The following DCAF6 variants were observed in gnomAD, a reference collection of about 807,000 sequenced individuals.
DCAF6 encodes DDB1 and CUL4 associated factor 6.
DCAF6 carries 54 observed loss-of-function variants against 125.1 expected under a neutral mutation model. That is an observed-to-expected ratio of 0.43 (90% CI 0.35 to 0.54). The LOEUF is 0.54. Ranked by LOEUF, DCAF6 falls within the 20% of genes least tolerant of loss-of-function variation. DCAF6 has a pLI of 0.01. For missense variants in DCAF6, 934 were observed against 1,161.7 expected, an observed-to-expected ratio of 0.80 and a Z score of 2.85; for synonymous variants, 371 against 390.4, an observed-to-expected ratio of 0.95 and a Z score of 0.58.
intron 5 of DCAF6, among the ~76,000 whole-genome samples, chr1:167,989,964 C>T (rs890074655): frequency 1.3e-5 from 2 of 152,062 alleles, no homozygotes; most frequent in Admixed American, 6.6e-5. Flanking sequence ...GGTACTAGCT[C>T]TTACATTTTC....
Position 168,045,067 on chromosome 1 carries a change from A to AAT in DCAF6, c.2100_2101dup (p.Asn701IlefsTer41). On this transcript the variant is annotated frameshift_variant, in exon 16 of 22. Transcript: ENST00000367840. LOFTEE classifies it high-confidence loss of function. ...TAGCACTGAGAGTGCTACCAATGAA[A>AAT]ATAACACCAATCCTGAGCCTCAGTT... The AAT allele has an allele frequency of 6.2e-7, 1 of 1,614,072 alleles. No individual in the cohort carries two copies. Among genetic ancestry groups the AAT allele is most frequent in the African/African-American group, 1.3e-5 (1 of 75,058 alleles).
chr1:167,928,455 A>C, the DCAF6 span, among the ~76,000 whole-genome samples: 1 of 152,218 alleles, frequency 6.6e-6, no homozygotes, highest in African/African-American at 2.4e-5. Context: ...ATGTCAAATA[A>C]AGCTAGACAG....
intron 7 of DCAF6, 122 bp from the exon 8 acceptor site, chr1:168,002,360 A>C (rs1435774415): frequency 8.0e-6 from 6 of 751,636 alleles, no homozygotes. Context: ...ATTTTCATGT[A>C]GATCTAATTT....
the DCAF6 span, chr1:167,920,645 C>T: frequency 3.1e-6 from 5 of 1,600,612 alleles, no homozygotes; most frequent in Non-Finnish European, 4.3e-6. Context: ...CACATTAACG[C>T]ATAGAAAGAA....
intron 3 of DCAF6, among the ~76,000 whole-genome samples, chr1:167,970,188 G>A (rs536240585): frequency 3.3e-5 from 5 of 152,234 alleles, no homozygotes; most frequent in Admixed American, 2.6e-4. Flanking sequence ...AATCACTTGG[G>A]TACCAAAGGA....
chr1:167,921,570 T>A, the DCAF6 span, among the ~76,000 whole-genome samples: 12 of 152,270 alleles, frequency 7.9e-5, no homozygotes, highest in African/African-American at 2.6e-4. Context: ...CATGGCCATT[T>A]CTCTTCTGTG....
At chr1:167,901,106 C>G in the DCAF6 span, among the ~76,000 whole-genome samples, 1 of 152,104 alleles carries the variant, frequency 6.6e-6, no homozygotes, top group South Asian at 2.1e-4. Flanking sequence ...AATGTTTGCA[C>G]GTGCATAGTG....
intron 12 of DCAF6, among the ~76,000 whole-genome samples, chr1:168,036,517 A>G (rs896420827): frequency 9.2e-5 from 14 of 152,336 alleles, no homozygotes; most frequent in African/African-American, 2.2e-4. Flanking sequence ...TAATCATCCA[A>G]TCATCCAATC....
intron 21 of DCAF6, among the ~76,000 whole-genome samples, chr1:168,068,973 G>C (rs960810251): frequency 8.5e-5 from 13 of 152,132 alleles, no homozygotes; most frequent in East Asian, 3.8e-4. Context: ...TCTAGTATCT[G>C]TTATAAGCAG....
chr1:167,987,439 A>T, intron 4 of DCAF6, 56 bp from the exon 5 acceptor site: 1 of 857,312 alleles, frequency 1.2e-6, no homozygotes, highest in Non-Finnish European at 1.9e-6. Flanking sequence ...AATGTTTTTC[A>T]GAGCCGTCTG....
the DCAF6 span, among the ~76,000 whole-genome samples, chr1:167,907,200 T>C: frequency 2.0e-5 from 3 of 152,238 alleles, no homozygotes; most frequent in Non-Finnish European, 2.9e-5. Context: ...ATACCATAGA[T>C]GGGCACATTC....
At chr1:167,967,714 CTTTTTTTTTTTTT>C (rs552208317) in intron 3 of DCAF6, among the ~76,000 whole-genome samples, 3 of 74,552 alleles carry the variant, frequency 4.0e-5, no homozygotes, top group African/African-American at 5.3e-5. Context: ...TTTCCTGTAT[CTTTTTTTTTTTTT>C]TTTTTTTTTT....
chr1:167,884,224 T>C, the DCAF6 span, among the ~76,000 whole-genome samples: 2 of 152,196 alleles, frequency 1.3e-5, no homozygotes, highest in Non-Finnish European at 2.9e-5. Flanking sequence ...TTTAATTGAC[T>C]CACAGTTCCA....
intron 21 of DCAF6, among the ~76,000 whole-genome samples, chr1:168,072,782 A>C (rs913263412): frequency 6.6e-6 from 1 of 152,224 alleles, no homozygotes; most frequent in Non-Finnish European, 1.5e-5. Flanking sequence ...TTTGTGAAAC[A>C]CAGGCTTCCA....
At chr1:168,030,663 A>G (rs1473502415) in intron 12 of DCAF6, among the ~76,000 whole-genome samples, 1 of 152,218 alleles carries the variant, frequency 6.6e-6, no homozygotes, top group Non-Finnish European at 1.5e-5. Flanking sequence ...TGACACAGGG[A>G]TTGAGGAGGA....
rs1219021047 is a variant in DCAF6, at chr1:168,063,715, C to T, written c.2395C>T (p.Leu799=). ...ELDTLNIRRP[L]VKMVYKGHRN... ...GGATACTTTGAACATTAGAAGGCCG[C>T]TAGTAAAAATGGTTTATAAAGGCCA... The change falls in exon 18 of 22, where the codon CTA becomes TTA. Residue 799 remains leucine (L), a synonymous_variant. Transcript: ENST00000367840. The T allele has an allele frequency of 6.2e-7, 1 of 1,604,472 alleles. No individual in the cohort carries two copies. Among genetic ancestry groups the T allele is most frequent in the Non-Finnish European group, 8.5e-7 (1 of 1,176,408 alleles).
chr1:168,066,534 A>G, intron 20 of DCAF6, 69 bp downstream of exon 20: 1 of 1,067,510 alleles, frequency 9.4e-7, no homozygotes, highest in Non-Finnish European at 1.4e-6. Context: ...CCTAAGAAAA[A>G]TTAAAAGTTA....
intron 11 of DCAF6, among the ~76,000 whole-genome samples, chr1:168,020,218 G>A (rs1431235564): frequency 6.6e-6 from 1 of 152,146 alleles, no homozygotes; most frequent in Non-Finnish European, 1.5e-5. Flanking sequence ...AGTAGATATT[G>A]TGATTATCCT....
intron 3 of DCAF6, among the ~76,000 whole-genome samples, chr1:167,970,161 C>T (rs1226878959): frequency 6.6e-6 from 1 of 152,114 alleles, no homozygotes; most frequent in African/African-American, 2.4e-5. Context: ...AATTTTAACT[C>T]TTACATTATA....
Sources: allele counts gnomAD v4.1 joint callset (sites outside exome capture counted in the v4.1 genomes callset), GRCh38; gene constraint gnomAD v4.1.1; transcripts MANE v1.5; gene names NCBI Gene and HGNC (gene_info 2026-07-23, HGNC 2026-07-21).